LGMN: variants seen among roughly 807,000 people sequenced by gnomAD.
The protein encoded by LGMN is asparaginyl endopeptidase.
In LGMN, 36 loss-of-function variants were observed where a neutral mutation model predicts 56.8. The observed-to-expected ratio is 0.63, with a 90% CI of 0.49 to 0.84. The LOEUF is 0.84. LGMN is among the 40% of genes least tolerant of loss of function. The pLI is 0.00. For missense variants in LGMN, 446 were observed against 556.1 expected (o/e 0.80, Z 1.99); for synonymous variants, 199 against 210.1 (o/e 0.95, Z 0.46).
intron 2 of LGMN, among the ~76,000 whole-genome samples, chr14:92,719,328 C>T (rs1208652207): frequency 3.4e-5 from 4 of 116,694 alleles, no homozygotes; most frequent in South Asian, 2.8e-4. Context: ...CCGCCGCCAC[C>T]GCCACCGCCA....
chr14:92,710,560 G>C (rs1030096210), intron 10 of LGMN, among the ~76,000 whole-genome samples: 1 of 152,210 alleles, frequency 6.6e-6, no homozygotes, highest in African/African-American at 2.4e-5. Context: ...AATGCTGCAA[G>C]CGTTCTCTTC....
chr14:92,713,339 T>A (rs1336905881), intron 7 of LGMN, among the ~76,000 whole-genome samples: 2 of 152,010 alleles, frequency 1.3e-5, no homozygotes, highest in Non-Finnish European at 2.9e-5. Context: ...CTCAGCCTCC[T>A]AAAGTGCTGG....
chr14:92,714,829 C>T lies in LGMN; in HGVS notation c.405-378G>A, dbSNP rs938224217. On this transcript the variant is annotated intron_variant, in intron 5 of 13. Transcript: ENST00000334869. The surrounding 1 kb of genome is among the most constrained non-coding windows in gnomAD (Gnocchi z 5.1). ...TCCCCAAAATGACCTCAACACAGGC[C>T]TGCAGCCTCCCCCCCTCCAGGCCTC... 5.3e-5 allele frequency among the ~76,000 whole-genome samples: 8 copies of T among 151,976 alleles called. No individual in the cohort carries two copies. Among genetic ancestry groups the T allele is most frequent in the Non-Finnish European group, 1.0e-4 (7 of 68,028 alleles).
At chr14:92,715,205 G>T (rs1448230363) in intron 5 of LGMN, among the ~76,000 whole-genome samples, 1 of 122,604 alleles carries the variant, frequency 8.2e-6, no homozygotes, top group East Asian at 2.4e-4. Context: ...CACACTGTTG[G>T]TCAGGGTGGG....
chr14:92,714,590 C>T lies in LGMN; in HGVS notation c.405-139G>A, dbSNP rs539796943. ...CCAGGTTTGAAGATGAACACAAGGG[C>T]CCGGTGCCCGGTGTCTGGCCTGTCC... On this transcript the variant is annotated intron_variant, in intron 5 of 13. Coordinates refer to ENST00000334869, the MANE Select transcript of LGMN (RefSeq NM_005606.7). The surrounding 1 kb of genome is among the most constrained non-coding windows in gnomAD (Gnocchi z 5.1). The T allele has an allele frequency of 2.5e-5, 16 of 631,520 alleles. No homozygotes were observed. In the East Asian group the frequency reaches 4.3e-4, roughly 17 times the overall value. 39.1% of individuals were successfully genotyped at this position (631,520 alleles called of 1,614,324 possible).
chr14:92,735,182 T>G (rs1891240812), intron 1 of LGMN, among the ~76,000 whole-genome samples: 1 of 152,286 alleles, frequency 6.6e-6, no homozygotes, highest in Admixed American at 6.5e-5. Flanking sequence ...AGATTCTGAT[T>G]CAGTAGGCCT....
intron 1 of LGMN, chr14:92,740,962 T>C (rs562651187): frequency 4.6e-5 from 7 of 152,250 alleles, no homozygotes; most frequent in Admixed American, 4.6e-4. Context: ...CGAGACGGGT[T>C]GATCACTTGA....
At chr14:92,705,084 G>A (rs540931608) in intron 12 of LGMN, among the ~76,000 whole-genome samples, 3 of 152,344 alleles carry the variant, frequency 2.0e-5, no homozygotes, top group Admixed American at 6.5e-5. Flanking sequence ...TGAAAGCCAC[G>A]CTGGATCACA....
intron 1 of LGMN, among the ~76,000 whole-genome samples, chr14:92,736,406 G>A (rs1891308384): frequency 6.6e-6 from 1 of 152,022 alleles, no homozygotes; most frequent in African/African-American, 2.4e-5. Flanking sequence ...GACCGGCCTG[G>A]GCAACAAGGT....
chr14:92,743,801 CAA>C (rs397853236), intron 1 of LGMN, among the ~76,000 whole-genome samples: 1,547 of 94,946 alleles, frequency 0.016, 25 homozygotes, highest in South Asian at 0.11. Flanking sequence ...GACTCTGTCT[CAA>C]AAAAAAAAAA....
intron 2 of LGMN, 87 bp downstream of exon 2, chr14:92,732,562 G>T: frequency 1.4e-6 from 2 of 1,469,340 alleles, no homozygotes; most frequent in Non-Finnish European, 1.9e-6. Flanking sequence ...GGCTTTTCAA[G>T]TCTTTTCTAT....
chr14:92,725,383 T>C (rs940635009), intron 2 of LGMN, among the ~76,000 whole-genome samples: 1 of 151,758 alleles, frequency 6.6e-6, no homozygotes, highest in African/African-American at 2.4e-5. Context: ...ACTTCATCTC[T>C]ATAAAAAAAA....
intron 4 of LGMN, among the ~76,000 whole-genome samples, chr14:92,716,728 G>T (rs1046392714): frequency 1.3e-5 from 2 of 151,882 alleles, no homozygotes; most frequent in Non-Finnish European, 2.9e-5. Flanking sequence ...GACTTTAAAA[G>T]AAAAATAAAA....
At chr14:92,726,706 C>G (rs1310545860) in intron 2 of LGMN, among the ~76,000 whole-genome samples, 1 of 152,186 alleles carries the variant, frequency 6.6e-6, no homozygotes, top group Non-Finnish European at 1.5e-5. Flanking sequence ...CGGTCTCCTT[C>G]TCCCTCGCTT....
intron 1 of LGMN, chr14:92,741,408 A>G (rs1216130263): frequency 6.6e-6 from 1 of 152,112 alleles, no homozygotes; most frequent in African/African-American, 2.4e-5. Flanking sequence ...ATCAGGAGTG[A>G]CCCCTCAGTG....
intron 1 of LGMN, 146 bp from the exon 2 acceptor site, chr14:92,732,961 C>T: frequency 1.7e-6 from 1 of 584,770 alleles, no homozygotes; most frequent in Non-Finnish European, 2.9e-6. Context: ...TCAGCTTGGC[C>T]AACATGGAGA....
At chr14:92,724,659 C>G (rs1374541729) in intron 2 of LGMN, among the ~76,000 whole-genome samples, 2 of 152,172 alleles carry the variant, frequency 1.3e-5, no homozygotes, top group African/African-American at 4.8e-5. Context: ...CAGAGCCCTC[C>G]GGAATGACAA....
intron 11 of LGMN, 49 bp from the exon 12 acceptor site, chr14:92,706,702 C>T: frequency 6.7e-7 from 1 of 1,485,036 alleles, no homozygotes; most frequent in Non-Finnish European, 9.1e-7. Flanking sequence ...AATGCGGTCT[C>T]TCAGGGACCC....
chr14:92,706,524 G>A lies in LGMN; in HGVS notation c.1150C>T (p.Leu384=). ...TTGAAGCAGTGGGTCCGGAAGTGCA[G>A]CAGGGCCTCTGGGTAGCAGCTGTGC... ...TGHSCYPEAL[L]HFRTHCFNWH... Residue 384 remains leucine, a synonymous_variant, in exon 12 of 14, where the codon CTG becomes TTG. Coordinates refer to ENST00000334869, the MANE Select transcript of LGMN (RefSeq NM_005606.7). 1.9e-6 allele frequency: 3 copies of A among 1,586,974 alleles called. No homozygotes were observed. The highest frequency in any genetic ancestry group is 2.6e-6 in the Non-Finnish European group (3 of 1,159,002).
Sources: gnomAD v4.1 joint callset for allele counts (sites outside exome capture counted in the v4.1 genomes callset) on GRCh38, gnomAD v4.1.1 for gene constraint, Gnocchi (gnomAD v3.1) non-coding constraint, MANE v1.5 for transcripts, NCBI Gene and HGNC (gene_info 2026-07-23, HGNC 2026-07-21) for gene names.